SLC25A21: variants seen among roughly 807,000 people sequenced by gnomAD.
SLC25A21 encodes the protein solute carrier family 25 member 21.
SLC25A21 carries 47 observed loss-of-function variants against 43.8 expected under a neutral mutation model. That is an observed-to-expected ratio of 1.07 (90% confidence interval 0.85 to 1.37). The LOEUF is 1.37. SLC25A21 is among the 40% of genes most tolerant of loss of function. The pLI is 0.00. For missense variants in SLC25A21, 352 were observed against 350.2 expected (o/e 1.00, Z -0.04); for synonymous variants, 131 against 121.3 (o/e 1.08, Z -0.52).
chr14:37,094,701 T>C (rs1462894492), intron 1 of SLC25A21, among the ~76,000 whole-genome samples: 1 of 151,122 alleles, frequency 6.6e-6, no homozygotes, highest in Non-Finnish European at 1.5e-5. Flanking sequence ...TAGTCCATTT[T>C]ACAGGGTGCT....
intron 3 of SLC25A21, among the ~76,000 whole-genome samples, chr14:36,795,220 T>C (rs543170007): frequency 6.6e-6 from 1 of 152,324 alleles, no homozygotes; most frequent in East Asian, 1.9e-4. Context: ...CTGAAAGGTA[T>C]ACAGCATTAG....
chr14:36,863,910 G>A (rs1890141571), intron 2 of SLC25A21, among the ~76,000 whole-genome samples: 1 of 152,190 alleles, frequency 6.6e-6, no homozygotes, highest in Non-Finnish European at 1.5e-5. Flanking sequence ...GCAGGGGCAA[G>A]ACTTTCTACT....
intron 1 of SLC25A21, among the ~76,000 whole-genome samples, chr14:36,881,027 G>A (rs184431475): frequency 3.3e-4 from 50 of 152,274 alleles, no homozygotes; most frequent in Admixed American, 9.8e-4. Context: ...AAGACATTGA[G>A]CAGAAAATAG....
At chr14:36,815,312 T>C (rs1229854315) in intron 2 of SLC25A21, among the ~76,000 whole-genome samples, 1 of 152,024 alleles carries the variant, frequency 6.6e-6, no homozygotes, top group African/African-American at 2.4e-5. Flanking sequence ...GTTCTGCATA[T>C]GTATCCTGGA....
At chr14:36,957,156 T>G (rs1401758417) in intron 1 of SLC25A21, among the ~76,000 whole-genome samples, 1 of 152,202 alleles carries the variant, frequency 6.6e-6, no homozygotes, top group Non-Finnish European at 1.5e-5. Context: ...AGGTTACTCT[T>G]CCAAAGTCAT....
chr14:36,738,321 T>G (rs1048007783), intron 3 of SLC25A21, among the ~76,000 whole-genome samples: 2 of 152,218 alleles, frequency 1.3e-5, no homozygotes, highest in African/African-American at 4.8e-5. Flanking sequence ...GATACTTTTT[T>G]TTTTCTGCAA....
chr14:36,959,516 G>A (rs1566771707), intron 1 of SLC25A21, among the ~76,000 whole-genome samples: 1 of 152,174 alleles, frequency 6.6e-6, no homozygotes, highest in Non-Finnish European at 1.5e-5. Context: ...TCCAGGGCCT[G>A]AGGGTTCCTA....
chr14:36,886,428 C>A (rs116531757), intron 1 of SLC25A21, among the ~76,000 whole-genome samples: 1 of 152,174 alleles, frequency 6.6e-6, no homozygotes, highest in African/African-American at 2.4e-5. Flanking sequence ...TTACCATGTG[C>A]GTATATTTTT....
At chr14:37,095,790 A>T (rs930618704) in intron 1 of SLC25A21, among the ~76,000 whole-genome samples, 2 of 130,632 alleles carry the variant, frequency 1.5e-5, no homozygotes, top group Non-Finnish European at 3.2e-5. Flanking sequence ...ATATGTATAT[A>T]TATATTTATA....
At chr14:36,695,266 C>T (rs1410048985) in intron 7 of SLC25A21, among the ~76,000 whole-genome samples, 3 of 152,104 alleles carry the variant, frequency 2.0e-5, no homozygotes, top group African/African-American at 7.2e-5. Context: ...TTCCATTGGT[C>T]TATATCTCTG....
At chr14:37,113,853 CAAAAAAAA>C (rs34321762) in intron 1 of SLC25A21, among the ~76,000 whole-genome samples, 4 of 119,378 alleles carry the variant, frequency 3.4e-5, no homozygotes, top group South Asian at 3.0e-4. Flanking sequence ...GACTCTGTCT[CAAAAAAAA>C]AAAAAAAAAG....
rs144809052 is a variant in SLC25A21, at chr14:37,044,715, T to G, written c.70+127566A>C. ...CTAAAAACTAAGAAAGAGTTCAGGCTTGTGAAGAAAAGAAGGCTAAATTTG... is the reference window on the plus strand; with the variant it reads ...CTAAAAACTAAGAAAGAGTTCAGGCGTGTGAAGAAAAGAAGGCTAAATTTG... On this transcript the variant is annotated intron_variant, in intron 1 of 9. Transcript: ENST00000331299. 4.6e-5 allele frequency among the ~76,000 whole-genome samples: 7 copies of G among 152,296 alleles called. No homozygotes were observed. The East Asian group carries it at 1.4e-3, about 29-fold the overall frequency.
chr14:37,039,909 A>AGGGGGCT (rs1204298338), intron 1 of SLC25A21, among the ~76,000 whole-genome samples: 1 of 152,066 alleles, frequency 6.6e-6, no homozygotes, highest in Non-Finnish European at 1.5e-5. Flanking sequence ...AAGTAGTTAC[A>AGGGGGCT]GGGGGCTGGG....
intron 7 of SLC25A21, among the ~76,000 whole-genome samples, chr14:36,690,585 C>T (rs1006780307): frequency 6.6e-6 from 1 of 152,128 alleles, no homozygotes; most frequent in African/African-American, 2.4e-5. Context: ...TTTATATGTC[C>T]ATTCCTACAC....
intron 2 of SLC25A21, among the ~76,000 whole-genome samples, chr14:36,849,508 T>A (rs1889655246): frequency 6.6e-6 from 1 of 152,198 alleles, no homozygotes; most frequent in South Asian, 2.1e-4. Flanking sequence ...CCAGTTGACA[T>A]AAATTATTTT....
intron 1 of SLC25A21, among the ~76,000 whole-genome samples, chr14:36,908,239 T>C (rs1168675488): frequency 2.0e-5 from 3 of 152,172 alleles, no homozygotes; most frequent in Non-Finnish European, 2.9e-5. Context: ...TATAATGATA[T>C]GTCAATGCAG....
Position 36,680,640 on chromosome 14 carries a change from A to G in SLC25A21, c.*18T>C, listed in dbSNP as rs1458189865. ...CAAATATCCATTATCTCAAGGGGGA[A>G]AAACACTTCATAGGCAATCACCAGT... On this transcript the variant is annotated 3_prime_UTR_variant, in exon 10 of 10. Coordinates refer to ENST00000331299, the MANE Select transcript of SLC25A21 (RefSeq NM_030631.4). 6.2e-7 allele frequency: 1 copy of G among 1,610,638 alleles called. No homozygotes were observed. Among genetic ancestry groups the G allele is most frequent in the Non-Finnish European group, 8.5e-7 (1 of 1,178,476 alleles).
chr14:36,988,388 T>G (rs1261923835), intron 1 of SLC25A21, among the ~76,000 whole-genome samples: 1 of 152,216 alleles, frequency 6.6e-6, no homozygotes, highest in Non-Finnish European at 1.5e-5. Context: ...CCATCATTTA[T>G]CTGACTGGCG....
chr14:37,016,843 T>C (rs1268552935), intron 1 of SLC25A21, among the ~76,000 whole-genome samples: 3 of 152,102 alleles, frequency 2.0e-5, no homozygotes, highest in African/African-American at 7.2e-5. Context: ...AGACAGATTA[T>C]TTCCTCAAAC....
Sources: allele counts gnomAD v4.1 joint callset (sites outside exome capture counted in the v4.1 genomes callset), GRCh38; gene constraint gnomAD v4.1.1; transcripts MANE v1.5; gene names NCBI Gene and HGNC (gene_info 2026-07-23, HGNC 2026-07-21).